DAB1: variants seen among roughly 807,000 people sequenced by gnomAD.
DAB1 encodes disabled homolog 1.
In DAB1, 15 loss-of-function variants were observed where a neutral mutation model predicts 64.6. The observed-to-expected ratio is 0.23, with a 90% confidence interval of 0.16 to 0.36. The LOEUF is 0.36. DAB1 is among the 10% of genes least tolerant of loss of function. DAB1 has a pLI of 1.00. For synonymous variants in DAB1, 235 were observed against 251.9 expected (o/e 0.93, Z 0.64); for missense variants, 596 against 706.7 (o/e 0.84, Z 1.78).
intron 9 of DAB1, among the ~76,000 whole-genome samples, chr1:57,042,084 A>G (rs1647862564): frequency 6.6e-6 from 1 of 152,162 alleles, no homozygotes; most frequent in Admixed American, 6.5e-5. Flanking sequence ...AACAGGCTCA[A>G]AGGAAACCCT....
intron 1 of DAB1, among the ~76,000 whole-genome samples, chr1:57,832,078 G>A (rs975970811): frequency 2.6e-5 from 4 of 152,054 alleles, no homozygotes; most frequent in African/African-American, 7.2e-5. Flanking sequence ...ATATGTACAC[G>A]TACAATTAAA....
chr1:58,091,257 A>C (rs550963759), intron 5 of DAB1, among the ~76,000 whole-genome samples: 1 of 152,156 alleles, frequency 6.6e-6, no homozygotes, highest in African/African-American at 2.4e-5. Context: ...CTTTACAACA[A>C]AAGATTCAGA....
At chr1:58,074,680 G>A (rs1055602034) in intron 5 of DAB1, among the ~76,000 whole-genome samples, 2 of 150,234 alleles carry the variant, frequency 1.3e-5, no homozygotes, top group Non-Finnish European at 1.5e-5. Flanking sequence ...AAGTAAACTC[G>A]TCTTCCCAGG....
Position 58,170,710 on chromosome 1 carries a change from G to A in DAB1, n.310-20122C>T, listed in dbSNP as rs182820585. On this transcript the variant is annotated intron_variant and non_coding_transcript_variant, in intron 4 of 20. Transcript: ENST00000485760. ...GACACCTTAAAAAAGATTGTCCAAC[G>A]AGAAACAATCTGCCCCCTCGTCCAT... Among the ~76,000 whole-genome samples, 357 of 152,234 alleles carry A rather than the reference G, an allele frequency of 2.3e-3. 4 individuals carry two copies. Among genetic ancestry groups the A allele is most frequent in the African/African-American group, 8.2e-3 (339 of 41,534 alleles).
At chr1:57,489,531 C>T (rs1314232828) in intron 7 of DAB1, among the ~76,000 whole-genome samples, 1 of 152,190 alleles carries the variant, frequency 6.6e-6, no homozygotes, top group East Asian at 1.9e-4. Flanking sequence ...TCACCATGCT[C>T]ACAAAGCCTC....
At chr1:57,650,569 A>G (rs1646244778) in intron 6 of DAB1, among the ~76,000 whole-genome samples, 2 of 152,200 alleles carry the variant, frequency 1.3e-5, no homozygotes, top group African/African-American at 4.8e-5. Flanking sequence ...AAAATTGTTG[A>G]TAAAGTTTAA....
intron 5 of DAB1, among the ~76,000 whole-genome samples, chr1:58,082,686 AGAG>A (rs933678127): frequency 6.6e-6 from 1 of 152,044 alleles, no homozygotes; most frequent in African/African-American, 2.4e-5. Flanking sequence ...CAAAGGAAAA[AGAG>A]GAGAAGGGCA....
chr1:57,675,572 C>T (rs539044555), intron 6 of DAB1, among the ~76,000 whole-genome samples: 20 of 152,240 alleles, frequency 1.3e-4, no homozygotes, highest in Non-Finnish European at 2.5e-4. Flanking sequence ...TGTCACTATA[C>T]GACTGTTGAG....
chr1:58,447,968 C>T (rs962019877), intron 3 of DAB1, among the ~76,000 whole-genome samples: 3 of 151,928 alleles, frequency 2.0e-5, no homozygotes, highest in African/African-American at 7.2e-5. Context: ...CATTAATCTA[C>T]CTTGCCATTC....
At position 57,278,728 on chromosome 1, in the gene DAB1, G is replaced by A. The variant is rs533164450; in HGVS notation, c.67+12236C>T. On this transcript the variant is annotated intron_variant, in intron 2 of 14. Transcript: ENST00000371236. ...CAAATCCATGCATGCTCAAAGGGGG[G>A]CAAGCAAGGCGATGTGTTCAAATTG... Among the ~76,000 whole-genome samples, 4 of 152,282 alleles carry A rather than the reference G, an allele frequency of 2.6e-5. No individual in the cohort carries two copies. The South Asian group carries it at 8.3e-4, about 32-fold the overall frequency.
chr1:57,501,258 A>G (rs1644286474), intron 7 of DAB1, among the ~76,000 whole-genome samples: 2 of 152,364 alleles, frequency 1.3e-5, no homozygotes. Context: ...CCAGAAGGCC[A>G]GTCTAACTTA....
intron 2 of DAB1, among the ~76,000 whole-genome samples, chr1:57,243,951 T>C (rs1668681992): frequency 6.6e-6 from 1 of 152,220 alleles, no homozygotes; most frequent in Non-Finnish European, 1.5e-5. Context: ...CACTAGATCA[T>C]TCTTTTAAAA....
chr1:58,130,657 T>C (rs1367087474), intron 5 of DAB1, among the ~76,000 whole-genome samples: 1 of 151,952 alleles, frequency 6.6e-6, no homozygotes, highest in East Asian at 1.9e-4. Context: ...GGCCTGGTGG[T>C]GACAAAATCT....
chr1:57,938,711 C>A (rs1376854126), intron 5 of DAB1, among the ~76,000 whole-genome samples: 1 of 125,716 alleles, frequency 8.0e-6, no homozygotes, highest in Non-Finnish European at 1.7e-5. Flanking sequence ...GACTAATACA[C>A]CCTACAGTAC....
chr1:57,192,563 A>G (rs1380689329), intron 2 of DAB1, among the ~76,000 whole-genome samples: 2 of 152,140 alleles, frequency 1.3e-5, no homozygotes, highest in Non-Finnish European at 2.9e-5. Context: ...CATAACCATC[A>G]CCATCACCAT....
intron 2 of DAB1, among the ~76,000 whole-genome samples, chr1:57,268,103 C>T (rs1670724695): frequency 6.6e-6 from 1 of 152,152 alleles, no homozygotes; most frequent in Admixed American, 6.6e-5. Flanking sequence ...GCAAGTGTGA[C>T]TAATGAAACC....
intron 5 of DAB1, among the ~76,000 whole-genome samples, chr1:58,110,906 A>C (rs983207949): frequency 2.6e-5 from 4 of 152,210 alleles, no homozygotes; most frequent in Non-Finnish European, 5.9e-5. Context: ...TCAGGCCACC[A>C]GACTGTTGCA....
rs1430632651 is a variant in DAB1 at position 57,706,836 on chromosome 1, G to T, written n.552-57171C>A. ...ACCTGTAATCCCAGCACTTTGGGAG[G>T]CTGAGGTGGGCGCATCACCTGAGGT... On this transcript the variant is annotated intron_variant and non_coding_transcript_variant, in intron 6 of 20. Transcript: ENST00000485760. Among the ~76,000 whole-genome samples, 4 of 152,018 alleles carry T rather than the reference G, an allele frequency of 2.6e-5. No individual in the cohort carries two copies. In the East Asian group the frequency reaches 7.8e-4, roughly 30 times the overall value.
intron 14 of DAB1, among the ~76,000 whole-genome samples, chr1:57,007,066 G>A (rs536448461): frequency 5.3e-4 from 79 of 148,082 alleles, no homozygotes; most frequent in African/African-American, 1.8e-3. Context: ...CTTAAGATTC[G>A]TCTTCCCAAA....
Sources: gnomAD v4.1 joint callset for allele counts (sites outside exome capture counted in the v4.1 genomes callset) on GRCh38, gnomAD v4.1.1 for gene constraint, MANE v1.5 for transcripts, NCBI Gene and HGNC (gene_info 2026-07-23, HGNC 2026-07-21) for gene names.